The following TRIO variants were observed in gnomAD, a reference collection of about 807,000 sequenced individuals.
TRIO encodes the protein triple functional domain protein.
In TRIO, 58 loss-of-function variants were observed where a neutral mutation model predicts 351.9. The ratio of observed to expected loss-of-function variants is 0.16; its 90% CI spans 0.13 to 0.21. TRIO has a LOEUF of 0.21. TRIO is among the 10% of genes least tolerant of loss of function. The pLI is 1.00. For missense variants in TRIO, 3,201 were observed against 4,027.8 expected (o/e 0.79, Z 5.56); for synonymous variants, 1,758 against 1,595.7 (o/e 1.10, Z -2.42).
In TRIO at chr5:14,486,620, C is replaced by T. The variant is rs149841672; in HGVS notation, c.6836-844C>T. 3.0e-3 allele frequency among the ~76,000 whole-genome samples: 455 copies of T among 152,270 alleles called. 2 individuals are homozygous for T. The highest frequency in any genetic ancestry group is 4.2e-3 in the Non-Finnish European group (283 of 68,024). On this transcript the variant is annotated intron_variant, in intron 47 of 56. Coordinates refer to ENST00000344204, the MANE Select transcript of TRIO (RefSeq NM_007118.4). ...ATTGTCTTTAAAATAGAATGAACTG[C>T]CCCCAGATTGCACGCATGGTCTGTG...
At chr5:14,254,238 C>T (rs1459335947) in intron 1 of TRIO, among the ~76,000 whole-genome samples, 2 of 150,460 alleles carry the variant, frequency 1.3e-5, no homozygotes, top group Admixed American at 1.3e-4. Flanking sequence ...GGCTGGAGTG[C>T]GATGGCATGA....
In TRIO at chr5:14,485,290, G is replaced by A. The variant is rs201424587; in HGVS notation, c.6835+44G>A. ...CTAGATGTGTGCTTTCTTTCCTCGT[G>A]TACTCACTTGTATTTATCTTCCCTC... is the stretch of plus-strand genomic sequence containing the variant. On this transcript the variant is annotated intron_variant, in intron 47 of 56. Coordinates refer to ENST00000344204, the MANE Select transcript of TRIO (RefSeq NM_007118.4). The A allele has an allele frequency of 2.5e-5, 38 of 1,512,794 alleles. No homozygotes were observed. In the East Asian group the frequency reaches 4.6e-4, roughly 18 times the overall value. The allele number at this position is 1,512,794 out of a possible 1,614,324, so 93.7% of individuals were successfully genotyped here.
chr5:14,475,848 C>G (rs577545226), intron 40 of TRIO, among the ~76,000 whole-genome samples: 2 of 152,286 alleles, frequency 1.3e-5, no homozygotes, highest in Non-Finnish European at 2.9e-5. Flanking sequence ...GATAGTAAAC[C>G]CCTTAGTACA....
At chr5:14,302,440 G>A (rs1234843655) in intron 7 of TRIO, among the ~76,000 whole-genome samples, 1 of 152,080 alleles carries the variant, frequency 6.6e-6, no homozygotes, top group African/African-American at 2.4e-5. Flanking sequence ...TTAATAATTG[G>A]TATTAAATGC....
chr5:14,286,941 C>A lies in TRIO; in HGVS notation c.418C>A (p.Pro140Thr). The A allele has an allele frequency of 2.5e-6, 4 of 1,614,176 alleles. No individual in the cohort carries two copies. Among genetic ancestry groups the A allele is most frequent in the Non-Finnish European group, 3.4e-6 (4 of 1,180,020 alleles). Reference protein sequence around the residue: ...MRGSKWDSIKPLLKILQESFP... With the variant: ...MRGSKWDSIKTLLKILQESFP... ...TGGGTCCAAGTGGGACTCCATCAAG[C>A]CCCTTCTGAAGATCCTGCAGGAGTC... is the stretch of plus-strand genomic sequence containing the variant. The change falls in exon 4 of 57, where the codon CCC (proline) becomes ACC (threonine). Residue 140 changes from proline to threonine, a missense_variant. This residue lies in a region of TRIO where 30 missense variants were observed against 35.1 expected (regional missense o/e 0.85). Transcript: ENST00000344204. This position sits in a 1 kb window ranked among gnomAD's most constrained non-coding sequence, Gnocchi z 4.4.
chr5:14,253,787 A>G (rs1447898457), intron 1 of TRIO, among the ~76,000 whole-genome samples: 6 of 152,222 alleles, frequency 3.9e-5, no homozygotes, highest in Non-Finnish European at 8.8e-5. Flanking sequence ...ACAGGGAAAT[A>G]AAGTCTTAGC....
chr5:14,315,161 T>C (rs1300819643), intron 8 of TRIO, among the ~76,000 whole-genome samples: 1 of 152,152 alleles, frequency 6.6e-6, no homozygotes, highest in East Asian at 1.9e-4. Context: ...GCTTTTCCCA[T>C]TTACCTATTC....
intron 34 of TRIO, among the ~76,000 whole-genome samples, chr5:14,455,085 G>A (rs1303039525): frequency 2.0e-5 from 3 of 152,102 alleles, no homozygotes; most frequent in African/African-American, 4.8e-5. Context: ...GAGTGTTATA[G>A]CTCATAAAGG....
chr5:14,273,646 C>T (rs1268521365), intron 2 of TRIO, among the ~76,000 whole-genome samples: 4 of 152,202 alleles, frequency 2.6e-5, no homozygotes, highest in Admixed American at 1.3e-4. Context: ...CATATGAGGA[C>T]GCAGCATTCC....
intron 31 of TRIO, among the ~76,000 whole-genome samples, chr5:14,403,700 G>A (rs1748412831): frequency 1.5e-5 from 2 of 137,174 alleles, no homozygotes; most frequent in African/African-American, 5.5e-5. Context: ...GAGGGTGTAG[G>A]TTGTGGTGAG....
intron 13 of TRIO, among the ~76,000 whole-genome samples, chr5:14,362,677 C>T (rs1744254271): frequency 6.6e-6 from 1 of 152,126 alleles, no homozygotes. Context: ...TTTTTGTGCA[C>T]GAGTCTTTGC....
At chr5:14,297,465 G>C in intron 7 of TRIO, 1 of 548,434 alleles carries the variant, frequency 1.8e-6, no homozygotes, top group South Asian at 3.3e-5. Flanking sequence ...TAGCCTCTCT[G>C]TTTTGTTTTT....
chr5:14,323,873 C>T (rs543639598), intron 9 of TRIO, among the ~76,000 whole-genome samples: 1 of 152,206 alleles, frequency 6.6e-6, no homozygotes, highest in Admixed American at 6.5e-5. Flanking sequence ...ATAATATTGA[C>T]TATCCTTACA....
chr5:14,275,947 T>C (rs1191451928), intron 2 of TRIO, among the ~76,000 whole-genome samples: 3 of 146,794 alleles, frequency 2.0e-5, no homozygotes, highest in Non-Finnish European at 3.0e-5. Context: ...TGTCTATATA[T>C]ATACATATAT....
intron 20 of TRIO, among the ~76,000 whole-genome samples, chr5:14,378,849 C>A (rs142037769): frequency 3.4e-4 from 52 of 152,258 alleles, no homozygotes; most frequent in Middle Eastern, 3.4e-3. Flanking sequence ...CATGAGCCAC[C>A]GCACCTGGCC....
chr5:14,328,837 T>C (rs538452077), intron 9 of TRIO, among the ~76,000 whole-genome samples: 1 of 152,030 alleles, frequency 6.6e-6, no homozygotes, highest in South Asian at 2.1e-4. Flanking sequence ...AATGGAGGGG[T>C]GGAAATGAGA....
chr5:14,272,942 C>A (rs891494415), intron 2 of TRIO, among the ~76,000 whole-genome samples: 4 of 151,786 alleles, frequency 2.6e-5, no homozygotes, highest in Non-Finnish European at 5.9e-5. Context: ...TTTTTTGTTT[C>A]TTTTTTATTG....
At chr5:14,297,456 A>G in intron 7 of TRIO, 193 bp downstream of exon 7, 1 of 583,864 alleles carries the variant, frequency 1.7e-6, no homozygotes, top group East Asian at 2.9e-5. Context: ...CAAGTGACTT[A>G]GCCTCTCTGT....
intron 34 of TRIO, among the ~76,000 whole-genome samples, chr5:14,445,293 C>T (rs955159023): frequency 2.6e-5 from 4 of 152,128 alleles, no homozygotes; most frequent in African/African-American, 9.7e-5. Context: ...TTGCAATTCT[C>T]ATATAAAACC....
Sources: allele counts gnomAD v4.1 joint callset (sites outside exome capture counted in the v4.1 genomes callset), GRCh38; gene constraint gnomAD v4.1.1; regional missense constraint gnomAD v4.1.1; non-coding constraint Gnocchi (gnomAD v3.1); transcripts MANE v1.5; gene names NCBI Gene and HGNC (gene_info 2026-07-23, HGNC 2026-07-21).